The following TENM1 variants were observed in gnomAD, a reference collection of about 807,000 sequenced individuals.
The protein encoded by TENM1 is teneurin-1.
Under a neutral mutation model 174.8 loss-of-function variants are expected in TENM1, and 35 were observed. That is an observed-to-expected ratio of 0.20 (90% CI 0.15 to 0.27). The LOEUF (loss-of-function observed/expected upper bound fraction) is 0.27. Among genes scored for constraint, TENM1 ranks in the 10% least tolerant of loss-of-function variants. TENM1 has a pLI of 1.00. For missense variants in TENM1, 1,633 were observed against 2,130.1 expected (o/e 0.77, Z 4.59); for synonymous variants, 781 against 798.7 (o/e 0.98, Z 0.37).
At chrX:124,782,497 G>A (rs2054936688) in intron 3 of TENM1, among the ~76,000 whole-genome samples, 1 of 110,063 alleles carries the variant, frequency 9.1e-6, no homozygotes, top group African/African-American at 3.3e-5. Context: ...TGACTTACTT[G>A]GTATTACCAG....
chrX:124,608,073 C>T (rs1490927880), intron 11 of TENM1, among the ~76,000 whole-genome samples: 1 of 111,065 alleles, frequency 9.0e-6, no homozygotes, highest in Non-Finnish European at 1.9e-5. Context: ...TCGATTGCTA[C>T]AGTAAGGAGT....
chrX:125,049,892 T>G, the TENM1 span, among the ~76,000 whole-genome samples: 1 of 110,398 alleles, frequency 9.1e-6, no homozygotes, highest in Non-Finnish European at 1.9e-5. Flanking sequence ...TTGTAAGAAT[T>G]CTTTATATAT....
At chrX:124,953,004 C>T (rs150140843) in intron 1 of TENM1, among the ~76,000 whole-genome samples, 4 of 111,232 alleles carry the variant, frequency 3.6e-5, no homozygotes, top group African/African-American at 9.8e-5. Flanking sequence ...CACCTCTAGA[C>T]CCTTTCAGAA....
intron 3 of TENM1, among the ~76,000 whole-genome samples, chrX:124,825,516 G>A (rs1316700706): frequency 9.1e-6 from 1 of 110,440 alleles, no homozygotes; most frequent in Non-Finnish European, 1.9e-5. Flanking sequence ...AATTTCAAAA[G>A]ATGTAAACAA....
At chrX:124,768,386 C>A (rs1294184753) in intron 3 of TENM1, among the ~76,000 whole-genome samples, 1 of 111,750 alleles carries the variant, frequency 8.9e-6, no homozygotes, top group Non-Finnish European at 1.9e-5. Context: ...CATGTCTAAC[C>A]TTCAGCTAAA....
At chrX:125,154,465 C>T in the TENM1 span, among the ~76,000 whole-genome samples, 3 of 112,056 alleles carry the variant, frequency 2.7e-5, no homozygotes, top group Admixed American at 9.5e-5. Flanking sequence ...TTGAAAACTA[C>T]TTTGAAAATT....
At chrX:125,092,224 AC>A in the TENM1 span, among the ~76,000 whole-genome samples, 1 of 111,293 alleles carries the variant, frequency 9.0e-6, no homozygotes, top group Non-Finnish European at 1.9e-5. Context: ...CAAAGAATCT[AC>A]CAAACACATT....
chrX:124,538,937 C>T (rs1476798848), intron 15 of TENM1, among the ~76,000 whole-genome samples: 2 of 111,384 alleles, frequency 1.8e-5, no homozygotes, highest in African/African-American at 6.5e-5. Context: ...TGAAGATCTG[C>T]TATTTTTTTC....
chrX:124,546,766 G>C, intron 15 of TENM1, 108 bp downstream of exon 18: 1 of 665,276 alleles, frequency 1.5e-6, no homozygotes, highest in East Asian at 3.3e-5. Context: ...AATGAACGTG[G>C]ATTATGTGGA....
chrX:124,505,992 G>A (rs2047439089), intron 18 of TENM1, among the ~76,000 whole-genome samples: 1 of 111,860 alleles, frequency 8.9e-6, no homozygotes, highest in Admixed American at 9.5e-5. Context: ...AGAGCACACT[G>A]AGGGCCATGT....
intron 3 of TENM1, among the ~76,000 whole-genome samples, chrX:124,812,881 T>C (rs1285369710): frequency 9.0e-6 from 1 of 111,159 alleles, no homozygotes; most frequent in Non-Finnish European, 1.9e-5. Flanking sequence ...TTCTTAAAAA[T>C]AGAACTTTTT....
intron 11 of TENM1, among the ~76,000 whole-genome samples, chrX:124,635,598 T>G (rs2050859960): frequency 8.9e-6 from 1 of 112,117 alleles, no homozygotes; most frequent in African/African-American, 3.2e-5. Flanking sequence ...AATTTTGCTG[T>G]CAGTTATTTG....
chrX:125,117,753 G>C, the TENM1 span, among the ~76,000 whole-genome samples: 1 of 111,274 alleles, frequency 9.0e-6, no homozygotes, highest in African/African-American at 3.3e-5. Context: ...CAGAGAAAAG[G>C]GAATGCTTAT....
intron 3 of TENM1, among the ~76,000 whole-genome samples, chrX:124,801,844 A>C (rs2055460837): frequency 9.0e-6 from 1 of 111,454 alleles, no homozygotes; most frequent in Admixed American, 9.5e-5. Flanking sequence ...TCCACTTATT[A>C]AGGTTAGTCT....
intron 3 of TENM1, among the ~76,000 whole-genome samples, chrX:124,840,228 T>A (rs886579846): frequency 6.3e-5 from 7 of 111,758 alleles, no homozygotes; most frequent in African/African-American, 2.3e-4. Flanking sequence ...GAGATTCTCT[T>A]ATGGGCAAAA....
intron 1 of TENM1, among the ~76,000 whole-genome samples, chrX:124,918,042 G>T (rs1255560575): frequency 4.5e-5 from 5 of 112,133 alleles, no homozygotes; most frequent in African/African-American, 1.6e-4. Context: ...TAAACAAACA[G>T]AAACCTTCTC....
chrX:124,683,537 GAA>G (rs1209290616), intron 5 of TENM1, among the ~76,000 whole-genome samples: 5 of 111,885 alleles, frequency 4.5e-5, no homozygotes, highest in Non-Finnish European at 7.5e-5. Flanking sequence ...ACATAAGAGA[GAA>G]ATGGGAACTC....
chrX:125,101,008 A>G, the TENM1 span, among the ~76,000 whole-genome samples: 1 of 111,366 alleles, frequency 9.0e-6, no homozygotes, highest in South Asian at 3.8e-4. Flanking sequence ...TGACCTAGAA[A>G]AAGTCCTTAA....
chrX:124,492,428 G>C (rs930697645), intron 20 of TENM1, among the ~76,000 whole-genome samples: 2 of 110,503 alleles, frequency 1.8e-5, no homozygotes, highest in Non-Finnish European at 3.8e-5. Flanking sequence ...AATTTATAAA[G>C]CAAATATATA....
Sources: allele counts gnomAD v4.1 joint callset (sites outside exome capture counted in the v4.1 genomes callset), GRCh38; gene constraint gnomAD v4.1.1; transcripts MANE v1.5; gene names NCBI Gene and HGNC (gene_info 2026-07-23, HGNC 2026-07-21).